Variants in MTR observed in about 807,000 individuals in gnomAD.
The protein encoded by MTR is 5-methyltetrahydrofolate-homocysteine methyltransferase.
In MTR, 84 loss-of-function variants were observed where a neutral mutation model predicts 154.8. That is an observed-to-expected ratio of 0.54 (90% confidence interval 0.45 to 0.65). The LOEUF is 0.65. Ranked by LOEUF, MTR falls within the 30% of genes least tolerant of loss-of-function variation. MTR has a pLI of 0.00. For synonymous variants in MTR, 554 were observed against 553.9 expected, an observed-to-expected ratio of 1.00 and a Z score of 0.00; for missense variants, 1,275 against 1,570.2, an observed-to-expected ratio of 0.81 and a Z score of 3.18.
intron 15 of MTR, among the ~76,000 whole-genome samples, chr1:236,838,889 G>C (rs1663063745): frequency 6.6e-6 from 1 of 152,154 alleles, no homozygotes; most frequent in African/African-American, 2.4e-5. Context: ...ACACACATAG[G>C]CTAGATGGTA....
chr1:236,854,341 C>A (rs1023186256), intron 18 of MTR, among the ~76,000 whole-genome samples: 3 of 152,172 alleles, frequency 2.0e-5, no homozygotes, highest in Admixed American at 6.5e-5. Context: ...CATGTGGACC[C>A]AGGACAGAAT....
At chr1:236,880,616 A>G (rs1488885776) in intron 24 of MTR, 139 bp from the exon 25 acceptor site, 11 of 763,176 alleles carry the variant, frequency 1.4e-5, no homozygotes, top group Non-Finnish European at 2.3e-5. Flanking sequence ...TTTGAAGTTC[A>G]GTATTTGTAG....
At chr1:236,802,518 C>A (rs1660753088) in intron 1 of MTR, among the ~76,000 whole-genome samples, 1 of 151,986 alleles carries the variant, frequency 6.6e-6, no homozygotes, top group African/African-American at 2.4e-5. Context: ...TCATCATGCG[C>A]TTTTCCTTAG....
At chr1:236,836,876 A>G (rs910173996) in intron 14 of MTR, among the ~76,000 whole-genome samples, 4 of 152,188 alleles carry the variant, frequency 2.6e-5, no homozygotes, top group Admixed American at 2.6e-4. Flanking sequence ...TGTAAGGCCC[A>G]ATCAAGTCAA....
chr1:236,861,733 A>G (rs1489019457), intron 20 of MTR, among the ~76,000 whole-genome samples: 1 of 152,238 alleles, frequency 6.6e-6, no homozygotes, highest in Non-Finnish European at 1.5e-5. Flanking sequence ...ACTTTGATTT[A>G]CAGCAGCTGC....
At chr1:236,862,020 A>G (rs1181821409) in intron 20 of MTR, among the ~76,000 whole-genome samples, 1 of 152,194 alleles carries the variant, frequency 6.6e-6, no homozygotes, top group East Asian at 1.9e-4. Context: ...GCAACATTTG[A>G]TTTCCAGCCT....
At chr1:236,803,088 A>T (rs1237648556) in intron 1 of MTR, among the ~76,000 whole-genome samples, 1 of 152,166 alleles carries the variant, frequency 6.6e-6, no homozygotes, top group Non-Finnish European at 1.5e-5. Context: ...TTATTTAGGG[A>T]GTATCTGCAC....
chr1:236,795,904 GT>G (rs1660354266), intron 1 of MTR, among the ~76,000 whole-genome samples, 167 bp downstream of exon 1: 2 of 152,238 alleles, frequency 1.3e-5, no homozygotes, highest in Non-Finnish European at 2.9e-5. Context: ...AGGGCTACGT[GT>G]TTTGCTCCAC....
chr1:236,849,518 T>C (rs1320984658), intron 15 of MTR, among the ~76,000 whole-genome samples: 1 of 152,166 alleles, frequency 6.6e-6, no homozygotes, highest in Admixed American at 6.5e-5. Context: ...CAAAGCCATG[T>C]CATGGTATGT....
At position 236,829,093 on chromosome 1, in the gene MTR, G is replaced by A. The variant is rs1042017994; in HGVS notation, c.996-96G>A. The A allele has an allele frequency of 8.5e-6, 8 of 940,056 alleles. No individual in the cohort carries two copies. The Admixed American group carries it at 1.4e-4, about 17-fold the overall frequency. The allele number at this position is 940,056 out of a possible 1,614,324, so 58.2% of individuals were successfully genotyped here. On this transcript the variant is annotated intron_variant, in intron 11 of 32. Coordinates refer to ENST00000366577, the MANE Select transcript of MTR (RefSeq NM_000254.3). ...ATTATATGTATAGTTATGTTAAATA[G>A]ACTTAATTTTATAGTTAAAATTAGT... is the stretch of plus-strand genomic sequence containing the variant.
chr1:236,820,747 G>A (rs1661885569), intron 8 of MTR, among the ~76,000 whole-genome samples: 1 of 152,186 alleles, frequency 6.6e-6, no homozygotes, highest in Non-Finnish European at 1.5e-5. Flanking sequence ...CAAAGCTGCT[G>A]TTCCATTTTG....
intron 9 of MTR, among the ~76,000 whole-genome samples, chr1:236,825,056 G>A (rs1278239900): frequency 6.6e-6 from 1 of 151,736 alleles, no homozygotes; most frequent in Non-Finnish European, 1.5e-5. Context: ...GGGAAGGGGT[G>A]GGGTTGGGGG....
At chr1:236,811,453 A>G in intron 5 of MTR, among the ~76,000 whole-genome samples, 1 of 152,238 alleles carries the variant, frequency 6.6e-6, no homozygotes. Context: ...AGAAAACAAA[A>G]AGCATTAAAA....
rs1240425967 is a variant in MTR at position 236,795,335 on chromosome 1, C to CA, written c.-368dup. On this transcript the variant is annotated 5_prime_UTR_variant, in exon 1 of 33. It introduces an in-frame stop codon into an upstream open reading frame of the 5' UTR. Coordinates refer to ENST00000366577, the MANE Select transcript of MTR (RefSeq NM_000254.3). ...AAAGGTTCTAAATGTCTGCGGGGCT[C>CA]AGAGCCGGATGTCACGTCGTCCTCC... 1 of 1,302,818 alleles carries CA rather than the reference C, an allele frequency of 7.7e-7. No individual in the cohort carries two copies. Among genetic ancestry groups the CA allele is most frequent in the Non-Finnish European group, 1.0e-6 (1 of 1,000,804 alleles). 80.7% of individuals were successfully genotyped at this position (1,302,818 alleles called of 1,614,324 possible). A position where few individuals can be genotyped will look rare whatever the true frequency, so the allele number is the denominator to read the frequency against.
intron 20 of MTR, 97 bp from the exon 21 acceptor site, chr1:236,862,139 G>T (rs1664580524): frequency 1.1e-6 from 1 of 946,434 alleles, no homozygotes. Flanking sequence ...TGAAGTCAAA[G>T]CATGCATTCC....
chr1:236,799,275 C>T (rs921445211), intron 1 of MTR, among the ~76,000 whole-genome samples: 51 of 151,886 alleles, frequency 3.4e-4, no homozygotes, highest in African/African-American at 5.8e-4. Flanking sequence ...GTGCATACTA[C>T]CAGGCTTGGC....
chr1:236,871,824 A>G (rs1665150596), intron 22 of MTR, among the ~76,000 whole-genome samples: 1 of 152,098 alleles, frequency 6.6e-6, no homozygotes, highest in Non-Finnish European at 1.5e-5. Context: ...TGAAGATTCC[A>G]TATGTCATAG....
intron 18 of MTR, among the ~76,000 whole-genome samples, chr1:236,855,594 A>G (rs1332353324): frequency 2.0e-5 from 3 of 152,154 alleles, no homozygotes; most frequent in Non-Finnish European, 4.4e-5. Context: ...TTCCTTCACC[A>G]TTTGAGCTCA....
chr1:236,814,883 GA>G lies in MTR; in HGVS notation c.610-714del, dbSNP rs540226262. Among the ~76,000 whole-genome samples, 154 of 152,184 alleles carry G rather than the reference GA, an allele frequency of 1.0e-3. 1 individual carries two copies. Among genetic ancestry groups the G allele is most frequent in the Admixed American group, 5.7e-3 (87 of 15,288 alleles). On this transcript the variant is annotated intron_variant, in intron 6 of 32. Transcript: ENST00000366577. ...TATTATTGATTTAGTAACTTTCCAT[GA>G]AAAAAACCTACCATCACAGGAAAGA...
Sources: allele counts gnomAD v4.1 joint callset (sites outside exome capture counted in the v4.1 genomes callset), GRCh38; gene constraint gnomAD v4.1.1; transcripts MANE v1.5; gene names NCBI Gene and HGNC (gene_info 2026-07-23, HGNC 2026-07-21).